Variants in PGAP4 observed in about 807,000 individuals in gnomAD.
The protein encoded by PGAP4 is GPI-N-acetylgalactosamine transferase PGAP4.
PGAP4 carries 12 observed loss-of-function variants against 28.2 expected under a neutral mutation model. The ratio of observed to expected loss-of-function variants is 0.42; its 90% CI spans 0.27 to 0.69. The LOEUF (loss-of-function observed/expected upper bound fraction) is 0.69, where lower values mean the gene tolerates loss of function less well. PGAP4 is among the 30% of genes least tolerant of loss of function. The pLI, the probability that PGAP4 is intolerant of heterozygous loss-of-function variation, is 0.22. For missense variants in PGAP4, 425 were observed against 513.5 expected, an observed-to-expected ratio of 0.83 and a Z score of 1.67; for synonymous variants, 205 against 211.8, an observed-to-expected ratio of 0.97 and a Z score of 0.28.
chr9:101,518,971 A>C (rs1428738840), intron 2 of PGAP4, among the ~76,000 whole-genome samples: 1 of 152,096 alleles, frequency 6.6e-6, no homozygotes, highest in Non-Finnish European at 1.5e-5. Context: ...CCACGTCAAC[A>C]TCTACTGTTT....
At chr9:101,511,367 A>G (rs887378183) in intron 2 of PGAP4, among the ~76,000 whole-genome samples, 1 of 152,220 alleles carries the variant, frequency 6.6e-6, no homozygotes, top group South Asian at 2.1e-4. Flanking sequence ...CAGGCCACAG[A>G]CCGGTTAAGC....
At chr9:101,524,315 T>A (rs1827014438) in intron 2 of PGAP4, among the ~76,000 whole-genome samples, 1 of 152,032 alleles carries the variant, frequency 6.6e-6, no homozygotes, top group African/African-American at 2.4e-5. Flanking sequence ...AGGGCTGGTC[T>A]CACTCCCACT....
chr9:101,505,297 G>A (rs1360950581), intron 2 of PGAP4, among the ~76,000 whole-genome samples: 1 of 151,986 alleles, frequency 6.6e-6, no homozygotes, highest in Non-Finnish European at 1.5e-5. Flanking sequence ...TCATCTAAAA[G>A]GGGTACTTGA....
At chr9:101,490,400 G>C (rs1400007196), upstream of PGAP4, among the ~76,000 whole-genome samples, 1 of 151,956 alleles carries the variant, frequency 6.6e-6, no homozygotes, top group Non-Finnish European at 1.5e-5. Context: ...ATTTTGGCCA[G>C]GCTGGTCTCA....
rs1360236690 is a variant in PGAP4 at position 101,476,228 on chromosome 9, A to C, written c.865T>G (p.Phe289Val). The C allele has an allele frequency of 1.9e-6, 3 of 1,614,042 alleles. No homozygotes were observed. The highest frequency in any genetic ancestry group is 2.5e-6 in the Non-Finnish European group (3 of 1,179,992). Residue 289 changes from phenylalanine to valine, a missense_variant, in exon 2 of 2, where the codon TTT (phenylalanine) becomes GTT (valine). Physicochemically the swap from Phe to Val is conservative, Grantham distance 50. Transcript: ENST00000374848. This position sits in a 1 kb window ranked among gnomAD's most constrained non-coding sequence, Gnocchi z 7.0. ...IYMRFASRPG[F>V]SWPVMLFFSL... ...AAGAAGAGCATTACAGGCCAGCTAA[A>C]CCCTGGGCGGCTGGCAAACCTCATG...
upstream of PGAP4, among the ~76,000 whole-genome samples, chr9:101,490,982 T>C (rs565298606): frequency 3.3e-5 from 5 of 152,214 alleles, no homozygotes; most frequent in Non-Finnish European, 7.3e-5. Flanking sequence ...CAACTTCTCA[T>C]GGTGCTGTCT....
intron 2 of PGAP4, among the ~76,000 whole-genome samples, chr9:101,516,765 T>C (rs1416606315): frequency 6.6e-6 from 1 of 152,222 alleles, no homozygotes; most frequent in Non-Finnish European, 1.5e-5. Flanking sequence ...TTTTATTTCT[T>C]TTGCAATTCA....
chr9:101,503,423 A>T (rs1173422708), intron 2 of PGAP4, among the ~76,000 whole-genome samples: 1 of 152,054 alleles, frequency 6.6e-6, no homozygotes, highest in African/African-American at 2.4e-5. Flanking sequence ...ATGAAGAGGA[A>T]TACCCAGTTA....
chr9:101,522,426 G>GAT (rs1308774329), intron 2 of PGAP4, among the ~76,000 whole-genome samples: 7 of 152,068 alleles, frequency 4.6e-5, no homozygotes, highest in African/African-American at 1.7e-4. Context: ...TTAAGATTGT[G>GAT]ATATTTTCCT....
chr9:101,491,983 T>G (rs777081824), upstream of PGAP4, among the ~76,000 whole-genome samples: 1 of 151,618 alleles, frequency 6.6e-6, no homozygotes, highest in Non-Finnish European at 1.5e-5. Context: ...TGAGCTAAGA[T>G]CTGTGTAGGA....
chr9:101,529,789 A>C (rs903449295), intron 2 of PGAP4, among the ~76,000 whole-genome samples: 7 of 152,138 alleles, frequency 4.6e-5, no homozygotes, highest in African/African-American at 1.2e-4. Context: ...TTTGTAGGAC[A>C]CTCCCAGGTG....
In PGAP4 at chr9:101,477,583, A is replaced by G. The variant is rs80355460; in HGVS notation, c.-77-414T>C. On this transcript the variant is annotated intron_variant, in intron 1 of 1. Transcript: ENST00000374848. Reference sequence around the variant, plus strand: ...AAAGGAAATATACACATTTAGAGCAAGTTCCAGAATAAGGGCCCAGAAAAT... The same window carrying G: ...AAAGGAAATATACACATTTAGAGCAGGTTCCAGAATAAGGGCCCAGAAAAT... Among the ~76,000 whole-genome samples, 75 of 152,320 alleles carry G rather than the reference A, an allele frequency of 4.9e-4. 2 individuals are homozygous for G. In the East Asian group the frequency reaches 8.1e-3, roughly 16 times the overall value.
rs10989546 is a variant in PGAP4, at chr9:101,516,024, A to G, written c.-165+15324T>C. Among the ~76,000 whole-genome samples the G allele has an allele frequency of 5.3e-5, 8 of 152,276 alleles. No individual in the cohort carries two copies. In the East Asian group the frequency reaches 1.2e-3, roughly 22 times the overall value. ...GTTCTACATGGTAAAATTTATTAAA[A>G]CATCACATTGTCTCTTATAAATACA... On this transcript the variant is annotated intron_variant, in intron 2 of 3. Transcript: ENST00000374851.
chr9:101,526,820 G>C (rs1200994504), intron 2 of PGAP4, among the ~76,000 whole-genome samples: 12 of 152,140 alleles, frequency 7.9e-5, no homozygotes, highest in Non-Finnish European at 1.5e-5. Flanking sequence ...TTCATAAATT[G>C]TAATTTCAAG....
chr9:101,508,241 A>G (rs117737042), intron 2 of PGAP4, among the ~76,000 whole-genome samples: 1 of 150,764 alleles, frequency 6.6e-6, no homozygotes, highest in African/African-American at 2.4e-5. Context: ...AAACTTCCCT[A>G]CTTGAAGTCT....
upstream of PGAP4, chr9:101,533,686 G>C (rs910531159): frequency 1.3e-5 from 2 of 152,262 alleles, no homozygotes; most frequent in African/African-American, 2.4e-5. Context: ...AGCCAGGAGA[G>C]GGTCCCGCGC....
intron 2 of PGAP4, among the ~76,000 whole-genome samples, chr9:101,507,601 G>C (rs974589068): frequency 6.6e-6 from 1 of 152,204 alleles, no homozygotes; most frequent in Non-Finnish European, 1.5e-5. Flanking sequence ...GCCTTTGTAG[G>C]ATAATAAGGG....
At chr9:101,498,186 A>T (rs1461153487) in intron 2 of PGAP4, among the ~76,000 whole-genome samples, 1 of 151,848 alleles carries the variant, frequency 6.6e-6, no homozygotes, top group African/African-American at 2.4e-5. Context: ...TGTGGTGAGG[A>T]CTAGCTGAAT....
chr9:101,497,395 C>T (rs1264123907), intron 2 of PGAP4, among the ~76,000 whole-genome samples: 1 of 151,634 alleles, frequency 6.6e-6, no homozygotes, highest in South Asian at 2.1e-4. Context: ...AAGTTAAATA[C>T]ATGAGTATTA....
Sources: gnomAD v4.1 joint callset for allele counts (sites outside exome capture counted in the v4.1 genomes callset) on GRCh38, gnomAD v4.1.1 for gene constraint, Gnocchi (gnomAD v3.1) non-coding constraint, MANE v1.5 for transcripts, NCBI Gene and HGNC (gene_info 2026-07-23, HGNC 2026-07-21) for gene names.